The following NKAIN3 variants were observed in gnomAD, a reference collection of about 807,000 sequenced individuals.
NKAIN3 encodes sodium/potassium-transporting ATPase subunit beta-1-interacting protein 3.
NKAIN3 carries 25 observed loss-of-function variants against 30.2 expected under a neutral mutation model. The ratio of observed to expected loss-of-function variants is 0.83; its 90% confidence interval spans 0.60 to 1.16. NKAIN3 has a LOEUF of 1.16. Ranked by LOEUF, NKAIN3 falls within the 50% of genes most tolerant of loss-of-function variation. The pLI is 0.00. For synonymous variants in NKAIN3, 91 were observed against 89.6 expected (o/e 1.02, Z -0.09); for missense variants, 225 against 254.1 (o/e 0.89, Z 0.78).
intron 5 of NKAIN3, among the ~76,000 whole-genome samples, chr8:62,942,225 C>CAT (rs200450874): frequency 0.26 from 13,529 of 51,518 alleles, 1,185 homozygotes; most frequent in East Asian, 0.51. Context: ...CATATATATA[C>CAT]ATATATATAC....
chr8:62,965,954 T>C lies in NKAIN3; in HGVS notation c.*547T>C. 1.0e-6 allele frequency: 1 copy of C among 984,820 alleles called. No homozygotes were observed. Among genetic ancestry groups the C allele is most frequent in the African/African-American group, 1.7e-5 (1 of 57,352 alleles). The allele number at this position is 984,820 out of a possible 1,614,324, so 61.0% of individuals were successfully genotyped here. A position where few individuals can be genotyped will look rare whatever the true frequency, so the allele number is the denominator to read the frequency against. On this transcript the variant is annotated 3_prime_UTR_variant, in exon 7 of 7. Coordinates refer to ENST00000623646, the MANE Select transcript of NKAIN3 (RefSeq NM_001304533.3). The stretch of plus-strand genomic sequence containing the variant: ...CAGCATAAAACAAAACATGGAGTCC[T>C]CCTTTGTTCCTGACTTCTTAAAACC...
chr8:62,326,866 G>A (rs906449858), intron 1 of NKAIN3, among the ~76,000 whole-genome samples: 5 of 151,902 alleles, frequency 3.3e-5, no homozygotes, highest in African/African-American at 1.2e-4. Flanking sequence ...TTTCTTTTTT[G>A]AGGAACTGCA....
At chr8:62,697,835 T>G (rs1046480368) in intron 3 of NKAIN3, among the ~76,000 whole-genome samples, 1 of 152,198 alleles carries the variant, frequency 6.6e-6, no homozygotes, top group Non-Finnish European at 1.5e-5. Flanking sequence ...AAGCATATTT[T>G]AGTCAGAGGA....
chr8:62,786,538 A>C (rs1419344548), intron 4 of NKAIN3, among the ~76,000 whole-genome samples: 1 of 151,968 alleles, frequency 6.6e-6, no homozygotes, highest in Non-Finnish European at 1.5e-5. Flanking sequence ...GAAAAAAAAC[A>C]CCTACAGAGG....
intron 3 of NKAIN3, among the ~76,000 whole-genome samples, chr8:62,612,619 T>C (rs1477352148): frequency 7.9e-5 from 12 of 152,038 alleles, no homozygotes; most frequent in Non-Finnish European, 1.5e-5. Context: ...TTATTATTGA[T>C]AAGTAAGGAC....
At position 62,683,268 on chromosome 8, in the gene NKAIN3, T is replaced by A. The variant is rs147869560; in HGVS notation, c.274-63664T>A. On this transcript the variant is annotated intron_variant, in intron 3 of 6. Transcript: ENST00000623646. Reference sequence around the variant, plus strand: ...CCAGGATGGTCTTGATCTCCTGACCTCGTGATCCGCCCACCTCGGCCTCCC... The same window carrying A: ...CCAGGATGGTCTTGATCTCCTGACCACGTGATCCGCCCACCTCGGCCTCCC... Among the ~76,000 whole-genome samples the A allele has an allele frequency of 4.1e-3, 625 of 152,236 alleles. 2 individuals are homozygous for A. The highest frequency in any genetic ancestry group is 6.8e-3 in the Middle Eastern group (2 of 294).
intron 1 of NKAIN3, among the ~76,000 whole-genome samples, chr8:62,518,356 A>G (rs1808057508): frequency 1.3e-5 from 2 of 152,110 alleles, no homozygotes; most frequent in South Asian, 4.1e-4. Context: ...CATCTCAAAA[A>G]ACAAACAAAC....
At chr8:62,510,880 C>T (rs546546323) in intron 1 of NKAIN3, among the ~76,000 whole-genome samples, 1 of 152,120 alleles carries the variant, frequency 6.6e-6, no homozygotes, top group Admixed American at 6.5e-5. Flanking sequence ...CCTGCTTTTT[C>T]CTGTGTTTAC....
chr8:62,411,574 GAAATT>G (rs1439225864), intron 1 of NKAIN3, among the ~76,000 whole-genome samples: 2 of 152,172 alleles, frequency 1.3e-5, no homozygotes, highest in Non-Finnish European at 2.9e-5. Context: ...ACAAGAGAAA[GAAATT>G]AAAGGCATCG....
At chr8:62,816,437 G>A (rs1331341527) in intron 4 of NKAIN3, among the ~76,000 whole-genome samples, 2 of 152,160 alleles carry the variant, frequency 1.3e-5, no homozygotes, top group African/African-American at 4.8e-5. Flanking sequence ...TTGGGAGAAG[G>A]TAGGCTCACT....
downstream of NKAIN3, among the ~76,000 whole-genome samples, chr8:62,987,020 T>G (rs964240653): frequency 2.6e-5 from 4 of 152,326 alleles, no homozygotes; most frequent in South Asian, 8.3e-4. Context: ...GGTTATATCA[T>G]CTTGAATGCT....
At chr8:62,420,393 C>A (rs1387353038) in intron 1 of NKAIN3, among the ~76,000 whole-genome samples, 1 of 152,088 alleles carries the variant, frequency 6.6e-6, no homozygotes, top group Non-Finnish European at 1.5e-5. Flanking sequence ...TATTCCACAG[C>A]CAAGCATTCA....
chr8:62,306,294 G>A, intron 1 of NKAIN3, among the ~76,000 whole-genome samples: 1 of 149,998 alleles, frequency 6.7e-6, no homozygotes, highest in East Asian at 1.9e-4. Context: ...GGACTCTCTT[G>A]CTTTTTACTG....
intron 3 of NKAIN3, among the ~76,000 whole-genome samples, chr8:62,705,563 CT>C (rs1453407813): frequency 1.3e-5 from 2 of 152,048 alleles, no homozygotes. Context: ...ATTTTGTGTC[CT>C]TTGCCTTTCG....
intron 1 of NKAIN3, among the ~76,000 whole-genome samples, chr8:62,337,197 CAT>C (rs1815582262): frequency 6.6e-6 from 1 of 152,032 alleles, no homozygotes; most frequent in Non-Finnish European, 1.5e-5. Context: ...AAATGCACAA[CAT>C]ATCATTTCTG....
intron 1 of NKAIN3, among the ~76,000 whole-genome samples, chr8:62,395,468 A>T (rs1467027556): frequency 6.6e-6 from 1 of 152,254 alleles, no homozygotes; most frequent in Non-Finnish European, 1.5e-5. Context: ...TCATGAAAAA[A>T]AAGTCTATGA....
At chr8:62,785,478 T>C (rs1393651923) in intron 4 of NKAIN3, among the ~76,000 whole-genome samples, 1 of 152,086 alleles carries the variant, frequency 6.6e-6, no homozygotes, top group African/African-American at 2.4e-5. Flanking sequence ...GGTTTCTTTT[T>C]GCAATTATGT....
chr8:62,494,253 G>T (rs1417005513), intron 1 of NKAIN3, among the ~76,000 whole-genome samples: 1 of 152,100 alleles, frequency 6.6e-6, no homozygotes, highest in Non-Finnish European at 1.5e-5. Flanking sequence ...TTTATGGAAA[G>T]CCTTTTCTGT....
At chr8:62,884,967 T>C (rs561379694) in intron 4 of NKAIN3, among the ~76,000 whole-genome samples, 54 of 152,268 alleles carry the variant, frequency 3.5e-4, no homozygotes, top group African/African-American at 1.1e-3. Context: ...TCTCTACTGA[T>C]TTTTTCCAAT....
Sources: allele counts gnomAD v4.1 joint callset (sites outside exome capture counted in the v4.1 genomes callset), GRCh38; gene constraint gnomAD v4.1.1; transcripts MANE v1.5; gene names NCBI Gene and HGNC (gene_info 2026-07-23, HGNC 2026-07-21).